ST7L: variants seen among roughly 807,000 people sequenced by gnomAD.
The protein encoded by ST7L is suppressor of tumorigenicity 7 protein-like.
Under a neutral mutation model 72.5 loss-of-function variants are expected in ST7L, and 57 were observed. The observed-to-expected ratio is 0.79, with a 90% CI of 0.64 to 0.98. ST7L has a LOEUF of 0.98. Among genes scored for constraint, ST7L ranks in the 50% least tolerant of loss-of-function variants. The probability of loss-of-function intolerance (pLI) is 0.00; values close to 1 mark genes in which losing one functional copy is unlikely to be tolerated. For synonymous variants in ST7L, 221 were observed against 240.9 expected, an observed-to-expected ratio of 0.92 and a Z score of 0.77; for missense variants, 576 against 672.2, an observed-to-expected ratio of 0.86 and a Z score of 1.58.
intron 2 of ST7L, among the ~76,000 whole-genome samples, chr1:112,614,537 C>T (rs553672333): frequency 3.3e-5 from 5 of 152,218 alleles, no homozygotes; most frequent in African/African-American, 9.6e-5. Context: ...AGAAAAATCT[C>T]GTTCTTGTTT....
intron 14 of ST7L, chr1:112,540,838 T>C (rs1426557325): frequency 7.8e-7 from 1 of 1,289,200 alleles, no homozygotes; most frequent in Admixed American, 2.3e-5. Context: ...ATATAATTAA[T>C]CAGCATTTTC....
intron 11 of ST7L, among the ~76,000 whole-genome samples, chr1:112,556,985 C>CA (rs1196828305): frequency 0.01 from 851 of 82,072 alleles, 17 homozygotes; most frequent in African/African-American, 0.035. Context: ...AAAAAAAAAA[C>CA]AAAAAAAAAA....
chr1:112,554,499 T>C (rs1658764268), intron 12 of ST7L, among the ~76,000 whole-genome samples: 1 of 152,140 alleles, frequency 6.6e-6, no homozygotes, highest in African/African-American at 2.4e-5. Flanking sequence ...GTGAAGAAAT[T>C]GGAACTTTTG....
At chr1:112,539,655 CAAAAAAAAAA>C (rs11372554) in intron 14 of ST7L, 2 of 764,522 alleles carry the variant, frequency 2.6e-6, no homozygotes, top group East Asian at 2.0e-4. Context: ...GACTCTGTTT[CAAAAAAAAAA>C]AAAAAAAAGA....
At chr1:112,533,929 C>T (rs1654786807) in intron 14 of ST7L, among the ~76,000 whole-genome samples, 1 of 152,134 alleles carries the variant, frequency 6.6e-6, no homozygotes, top group South Asian at 2.1e-4. Flanking sequence ...ATCCTCCCAC[C>T]TCAGCCTCCC....
At chr1:112,619,342 C>A (rs1670469140), upstream of ST7L, 1 of 600,960 alleles carries the variant, frequency 1.7e-6, no homozygotes, top group Non-Finnish European at 3.0e-6. Flanking sequence ...TCTGGAGGAA[C>A]TGGACTGAGA....
intron 12 of ST7L, among the ~76,000 whole-genome samples, chr1:112,555,171 T>G (rs1453847085): frequency 3.3e-5 from 5 of 152,116 alleles, no homozygotes; most frequent in Non-Finnish European, 1.5e-5. Flanking sequence ...AGGTTGATAT[T>G]AGTTATGAAG....
chr1:112,616,869 G>T lies in ST7L; in HGVS notation c.232C>A (p.Pro78Thr), dbSNP rs1211288282. Residue 78 changes from proline to threonine, a missense_variant, in exon 2 of 15, where the codon CCC becomes ACC. Around this residue, in one of 3 missense-constraint regions of ST7L, gnomAD observed 511 missense variants for 600.7 expected, o/e 0.85. Transcript: ENST00000358039. ...CCTGTAAGTGCCACATAGAATTTGG[G>T]TGTCAATGAATTTAAAAATACAGTC... ...AVTVFLNSLT[P>T]KFYVALTGTS... The T allele has an allele frequency of 6.2e-7, 1 of 1,605,840 alleles. No individual in the cohort carries two copies. The highest frequency in any genetic ancestry group is 1.7e-5 in the Admixed American group (1 of 57,950).
chr1:112,591,668 A>G, intron 5 of ST7L, 65 bp from the exon 6 acceptor site: 2 of 1,281,028 alleles, frequency 1.6e-6, no homozygotes, highest in Admixed American at 2.0e-5. Flanking sequence ...ATTATGAAGA[A>G]TAAGGTAGTG....
chr1:112,530,579 T>G (rs998379974), intron 14 of ST7L, among the ~76,000 whole-genome samples: 1 of 152,048 alleles, frequency 6.6e-6, no homozygotes, highest in African/African-American at 2.4e-5. Flanking sequence ...CACATCAGGC[T>G]AATTTTTGTG....
In ST7L at chr1:112,587,319, T is replaced by C. The variant is rs184812574; in HGVS notation, c.702-3193A>G. On this transcript the variant is annotated intron_variant, in intron 6 of 14. Transcript: ENST00000358039. ...GTTTTGACGCCCTTGTCAAAAATCA[T>C]GGCCAGGCGTGGTGGCTCACACCTG... Among the ~76,000 whole-genome samples the C allele has an allele frequency of 3.3e-5, 5 of 152,328 alleles. No homozygotes were observed. The East Asian group carries it at 9.6e-4, about 29-fold the overall frequency.
At chr1:112,540,764 C>T (rs535373047) in intron 14 of ST7L, 17 of 1,268,138 alleles carry the variant, frequency 1.3e-5, no homozygotes, top group Non-Finnish European at 1.7e-5. Flanking sequence ...GAGAAAAATA[C>T]AGAAAATACA....
Position 112,616,756 on chromosome 1 carries a change from A to C in ST7L, c.288+57T>G, listed in dbSNP as rs1243080409. 6.5e-6 allele frequency: 9 copies of C among 1,376,316 alleles called. No individual in the cohort carries two copies. In the Admixed American group the frequency reaches 1.5e-4, roughly 23 times the overall value. The allele number at this position is 1,376,316 out of a possible 1,614,324, so 85.3% of individuals were successfully genotyped here. A position where few individuals can be genotyped will look rare whatever the true frequency, so the allele number is the denominator to read the frequency against. On this transcript the variant is annotated intron_variant, in intron 2 of 14. Transcript: ENST00000358039. ...AGACTCTGTCTCAAAAAAGAAAAAA[A>C]AAAAATATCTTTAGATAAACACCAA...
intron 11 of ST7L, among the ~76,000 whole-genome samples, chr1:112,568,813 G>A (rs1210219614): frequency 2.1e-5 from 3 of 145,880 alleles, no homozygotes; most frequent in East Asian, 2.0e-4. Flanking sequence ...AGTTTGAGAC[G>A]AGCCCGGGCA....
At chr1:112,546,796 C>T (rs967897465) in intron 13 of ST7L, among the ~76,000 whole-genome samples, 1 of 151,848 alleles carries the variant, frequency 6.6e-6, no homozygotes, top group African/African-American at 2.4e-5. Flanking sequence ...ACAACATTCA[C>T]TAATTATAAA....
chr1:112,536,065 G>T (rs1282168171), intron 14 of ST7L, among the ~76,000 whole-genome samples: 1 of 152,090 alleles, frequency 6.6e-6, no homozygotes, highest in Non-Finnish European at 1.5e-5. Flanking sequence ...TTTATTATCT[G>T]TATTATCTCT....
At chr1:112,567,409 T>G (rs896481383) in intron 11 of ST7L, among the ~76,000 whole-genome samples, 10 of 152,316 alleles carry the variant, frequency 6.6e-5, no homozygotes, top group Middle Eastern at 3.4e-3. Flanking sequence ...TTCCTGTCCA[T>G]GGCTTGCCTT....
rs1664238773 is a variant in ST7L, at chr1:112,582,241, A to G, written c.954+134T>C. 3.4e-6 allele frequency: 3 copies of G among 872,508 alleles called. No homozygotes were observed. In the South Asian group the frequency reaches 5.0e-5, roughly 15 times the overall value. The allele number at this position is 872,508 out of a possible 1,614,324, so 54.0% of individuals were successfully genotyped here. On this transcript the variant is annotated intron_variant, in intron 8 of 14. Transcript: ENST00000358039. ...GACCTAACCCTTAAGAAAGGTACGT[A>G]TATTAAATAAATACCTTGTTCTAAA...
intron 14 of ST7L, chr1:112,528,954 CT>C (rs879403833): frequency 3.9e-5 from 6 of 152,182 alleles, no homozygotes; most frequent in Admixed American, 3.9e-4. Context: ...ACTTCATGAT[CT>C]CTAGTTAGGT....
Sources: allele counts gnomAD v4.1 joint callset (sites outside exome capture counted in the v4.1 genomes callset), GRCh38; gene constraint gnomAD v4.1.1; regional missense constraint gnomAD v4.1.1; transcripts MANE v1.5; gene names NCBI Gene and HGNC (gene_info 2026-07-23, HGNC 2026-07-21).